CLEC4D: variants seen among roughly 807,000 people sequenced by gnomAD.
CLEC4D encodes the protein C-type (calcium dependent, carbohydrate-recognition domain) lectin, superfamily member 8.
Under a neutral mutation model 21.1 loss-of-function variants are expected in CLEC4D, and 21 were observed. That is an observed-to-expected ratio of 1.00 (90% confidence interval 0.71 to 1.43). The LOEUF is 1.43. Ranked by LOEUF, CLEC4D falls within the 40% of genes most tolerant of loss-of-function variation. The pLI is 0.00. For synonymous variants in CLEC4D, 85 were observed against 83.1 expected (o/e 1.02, Z -0.12); for missense variants, 289 against 260.7 (o/e 1.11, Z -0.75).
At chr12:8,531,470 G>A in the CLEC4D span, among the ~76,000 whole-genome samples, 843 of 152,174 alleles carry the variant, frequency 5.5e-3, 11 homozygotes, top group Non-Finnish European at 7.1e-3. Flanking sequence ...GACCTTCTGG[G>A]AAATAACTCT....
At chr12:8,528,097 G>A in the CLEC4D span, among the ~76,000 whole-genome samples, 305 of 152,232 alleles carry the variant, frequency 2.0e-3, 1 homozygote, top group African/African-American at 6.9e-3. Flanking sequence ...GTTTTTTTCC[G>A]TGGGAGCCTC....
rs1184640434 is a variant in CLEC4D, at chr12:8,518,147, G to A, written c.122-17G>A. 2.2e-6 allele frequency: 2 copies of A among 926,028 alleles called. No individual in the cohort carries two copies. Among genetic ancestry groups the A allele is most frequent in the Non-Finnish European group, 3.6e-6 (2 of 557,852 alleles). The allele number at this position is 926,028 out of a possible 1,614,324, so 57.4% of individuals were successfully genotyped here. A position where few individuals can be genotyped will look rare whatever the true frequency, so the allele number is the denominator to read the frequency against. ...TTATATAGAAAAAGAAACCTAACTT[G>A]CTTTTATCCTTGACAGTGACTCATC... is the stretch of plus-strand genomic sequence containing the variant. On this transcript the variant is annotated splice_polypyrimidine_tract_variant and intron_variant, in intron 2 of 5. Transcript: ENST00000299665.
rs948688674 is a variant in CLEC4D at position 8,520,975 on chromosome 12, T to G, written c.501-149T>G. On this transcript the variant is annotated intron_variant, in intron 5 of 5. Coordinates refer to ENST00000299665, the MANE Select transcript of CLEC4D (RefSeq NM_080387.5). The stretch of plus-strand genomic sequence containing the variant: ...CAAGTGCTCAGTAGCTACATGTGTC[T>G]AGTGAGTATAGTATTAGTGCAGTTC... 4 of 977,186 alleles carry G rather than the reference T, an allele frequency of 4.1e-6. No homozygotes were observed. In the Admixed American group the frequency reaches 1.1e-4, roughly 26 times the overall value. 60.5% of individuals were successfully genotyped at this position (977,186 alleles called of 1,614,324 possible). A position where few individuals can be genotyped will look rare whatever the true frequency, so the allele number is the denominator to read the frequency against.
At chr12:8,515,477 A>G in intron 2 of CLEC4D, 149 bp downstream of exon 2, 1 of 532,350 alleles carries the variant, frequency 1.9e-6, no homozygotes, top group South Asian at 2.7e-5. Context: ...ATTCAGAGCT[A>G]CATTCTTGAC....
At chr12:8,527,305 T>C (rs1035217085), downstream of CLEC4D, among the ~76,000 whole-genome samples, 1 of 152,158 alleles carries the variant, frequency 6.6e-6, no homozygotes, top group African/African-American at 2.4e-5. Flanking sequence ...AGAGGCTAAG[T>C]CTGCTGATCT....
intron 1 of CLEC4D, among the ~76,000 whole-genome samples, chr12:8,514,953 T>G (rs1255654769): frequency 1.3e-5 from 2 of 152,160 alleles, no homozygotes; most frequent in African/African-American, 4.8e-5. Context: ...GAAGTTTTAA[T>G]TTTTATGTAC....
At chr12:8,526,678 T>G (rs1940509758), downstream of CLEC4D, among the ~76,000 whole-genome samples, 1 of 152,220 alleles carries the variant, frequency 6.6e-6, no homozygotes, top group Admixed American at 6.5e-5. Context: ...TTCTATAGAT[T>G]ACTTCTATCA....
chr12:8,518,260 TGAAA>T lies in CLEC4D; in HGVS notation c.219_222del (p.Lys74ValfsTer45). ...AAATGCATCAAAGAGAAATCAGAACTGAAAAGTGCTGAAGGTACAGAGTGTAAGA... is the reference window on the plus strand; with the variant it reads ...AAATGCATCAAAGAGAAATCAGAACTAGTGCTGAAGGTACAGAGTGTAAGA... On this transcript the variant is annotated frameshift_variant, in exon 3 of 6. Transcript: ENST00000299665. LOFTEE classifies it high-confidence loss of function. 2 of 1,189,154 alleles carry T rather than the reference TGAAA, an allele frequency of 1.7e-6. No homozygotes were observed. The highest frequency in any genetic ancestry group is 1.3e-6 in the Non-Finnish European group (1 of 793,700). 73.7% of individuals were successfully genotyped at this position (1,189,154 alleles called of 1,614,324 possible). A position where few individuals can be genotyped will look rare whatever the true frequency, so the allele number is the denominator to read the frequency against.
downstream of CLEC4D, among the ~76,000 whole-genome samples, chr12:8,522,528 G>A (rs992389986): frequency 1.4e-4 from 22 of 152,032 alleles, no homozygotes; most frequent in African/African-American, 5.3e-4. Flanking sequence ...TGTGGTGGTG[G>A]TGGTGGTGAT....
At chr12:8,515,885 A>G (rs1940373730) in intron 2 of CLEC4D, among the ~76,000 whole-genome samples, 1 of 152,154 alleles carries the variant, frequency 6.6e-6, no homozygotes, top group South Asian at 2.1e-4. Context: ...ACATAAAATA[A>G]TTATAATTAA....
At chr12:8,528,822 T>C in the CLEC4D span, among the ~76,000 whole-genome samples, 7 of 151,906 alleles carry the variant, frequency 4.6e-5, no homozygotes, top group Admixed American at 3.3e-4. Flanking sequence ...TAAATGGTTA[T>C]ACTATATGTA....
At position 8,513,771 on chromosome 12, in the gene CLEC4D, T is replaced by C; in HGVS notation, c.28+11T>C. 1 of 1,034,434 alleles carries C rather than the reference T, an allele frequency of 9.7e-7. No individual in the cohort carries two copies. The highest frequency in any genetic ancestry group is 1.6e-5 in the African/African-American group (1 of 63,530). 64.1% of individuals were successfully genotyped at this position (1,034,434 alleles called of 1,614,324 possible). ...AACCTCAAAGTAAACGTGAGTACTTTCTCTCCTTTCCATTTCAAAGAAGCA... is the reference window on the plus strand; with the variant it reads ...AACCTCAAAGTAAACGTGAGTACTTCCTCTCCTTTCCATTTCAAAGAAGCA... On this transcript the variant is annotated intron_variant, in intron 1 of 5. Transcript: ENST00000299665.
chr12:8,523,097 T>C (rs1940479259), downstream of CLEC4D, among the ~76,000 whole-genome samples: 1 of 152,230 alleles, frequency 6.6e-6, no homozygotes, highest in South Asian at 2.1e-4. Flanking sequence ...TTGGTTACTG[T>C]AGCCTTATAG....
rs996666745 is a variant in CLEC4D at position 8,513,761 on chromosome 12, G to C, written c.28+1G>C. The C allele has an allele frequency of 9.3e-7, 1 of 1,081,036 alleles. No individual in the cohort carries two copies. Among genetic ancestry groups the C allele is most frequent in the Non-Finnish European group, 1.4e-6 (1 of 695,768 alleles). 67.0% of individuals were successfully genotyped at this position (1,081,036 alleles called of 1,614,324 possible). A position where few individuals can be genotyped will look rare whatever the true frequency, so the allele number is the denominator to read the frequency against. On this transcript the variant is annotated splice_donor_variant, in intron 1 of 5. Coordinates refer to ENST00000299665, the MANE Select transcript of CLEC4D (RefSeq NM_080387.5). LOFTEE classifies it high-confidence loss of function. The stretch of plus-strand genomic sequence containing the variant: ...GGGCTAGAAAAACCTCAAAGTAAAC[G>C]TGAGTACTTTCTCTCCTTTCCATTT...
chr12:8,530,263 A>G, the CLEC4D span, among the ~76,000 whole-genome samples: 1,507 of 152,304 alleles, frequency 9.9e-3, 41 homozygotes, highest in East Asian at 0.078. Context: ...AAGTTTAAGA[A>G]CAAAACTATA....
rs748919709 is a variant in CLEC4D at position 8,519,098 on chromosome 12, A to T, written c.322A>T (p.Ser108Cys). ...PLTDNKTWAE[S>C]ERNCSGMGAH... ...TACTGACAACAAGACGTGGGCTGAG[A>T]GTGAAAGGAACTGTTCAGGGATGGG... Residue 108 changes from serine to cysteine, a missense_variant, in exon 4 of 6, where the codon AGT becomes TGT. By Grantham distance (112) the Ser-to-Cys change is moderately radical (BLOSUM62 -1). Transcript: ENST00000299665. 3 of 1,614,166 alleles carry T rather than the reference A, an allele frequency of 1.9e-6. No individual in the cohort carries two copies. The South Asian group carries it at 3.3e-5, about 18-fold the overall frequency.
chr12:8,529,324 A>T, the CLEC4D span, among the ~76,000 whole-genome samples: 3 of 150,312 alleles, frequency 2.0e-5, no homozygotes, highest in Admixed American at 6.6e-5. Flanking sequence ...AGATAAATAT[A>T]AAAAAATGGG....
At position 8,519,897 on chromosome 12, in the gene CLEC4D, C is replaced by T. The variant is rs567767969; in HGVS notation, c.385-329C>T. On this transcript the variant is annotated intron_variant, in intron 4 of 5. Transcript: ENST00000299665. ...AAAATGGAATTTAATGAAATATGCA[C>T]GCAATTAAAGAAGATATTAAAAACA... Among the ~76,000 whole-genome samples the T allele has an allele frequency of 2.8e-4, 42 of 152,202 alleles. 1 individual carries two copies. The highest frequency in any genetic ancestry group is 1.3e-4 in the Admixed American group (2 of 15,290).
At position 8,521,436 on chromosome 12, in the gene CLEC4D, GTGTA is replaced by G; in HGVS notation, c.*169_*172del. ...GTTTGATTCATTCGAGACAACATGT[GTGTA>G]TGTGTGTGTGTGTGTGTGTAGATAA... On this transcript the variant is annotated 3_prime_UTR_variant, in exon 6 of 6. Coordinates refer to ENST00000299665, the MANE Select transcript of CLEC4D (RefSeq NM_080387.5). 7.3e-7 allele frequency: 1 copy of G among 1,363,592 alleles called. No individual in the cohort carries two copies. The highest frequency in any genetic ancestry group is 9.6e-7 in the Non-Finnish European group (1 of 1,046,586). 84.5% of individuals were successfully genotyped at this position (1,363,592 alleles called of 1,614,324 possible).
Sources: gnomAD v4.1 joint callset for allele counts (sites outside exome capture counted in the v4.1 genomes callset) on GRCh38, gnomAD v4.1.1 for gene constraint, MANE v1.5 for transcripts, NCBI Gene and HGNC (gene_info 2026-07-23, HGNC 2026-07-21) for gene names.